CLUH: variants seen among roughly 807,000 people sequenced by gnomAD.
CLUH encodes CLUH binding protein of NUMT mRNA.
CLUH carries 77 observed loss-of-function variants against 139.3 expected under a neutral mutation model. That is an observed-to-expected ratio of 0.55 (90% confidence interval 0.46 to 0.67). The LOEUF (loss-of-function observed/expected upper bound fraction) is 0.67, where lower values mean the gene tolerates loss of function less well. CLUH is among the 30% of genes least tolerant of loss of function. CLUH has a pLI of 0.00. For missense variants in CLUH, 1,876 were observed against 1,875.8 expected (o/e 1.00, Z 0.00); for synonymous variants, 999 against 801.6 (o/e 1.25, Z -4.16).
intron 13 of CLUH, chr17:2,695,957 G>A (rs117104091): frequency 0.022 from 13,254 of 597,782 alleles, 265 homozygotes; most frequent in Non-Finnish European, 0.023. Flanking sequence ...CCAGCTGCCA[G>A]CCCACACGGT....
At position 2,703,592 on chromosome 17, in the gene CLUH, A is replaced by AGGGGATATTGTCCT; in HGVS notation, c.304-104_304-103insAGGACAATATCCCC. 8.6e-7 allele frequency: 1 copy of AGGGGATATTGTCCT among 1,169,294 alleles called. No homozygotes were observed. Among genetic ancestry groups the AGGGGATATTGTCCT allele is most frequent in the Non-Finnish European group, 1.2e-6 (1 of 817,218 alleles). The allele number at this position is 1,169,294 out of a possible 1,614,324, so 72.4% of individuals were successfully genotyped here. On this transcript the variant is annotated intron_variant, in intron 2 of 25. Coordinates refer to ENST00000651024, the MANE Select transcript of CLUH (RefSeq NM_001366661.1). The surrounding 1 kb of genome is among the most constrained non-coding windows in gnomAD (Gnocchi z 4.2). ...GGCCACGTAGCGGACAGCAAGGACA[A>AGGGGATATTGTCCT]TATCCCCTTGTCCCCAGCCCAAAGT...
chr17:2,691,930 T>TGCCCCCGCCCC (rs2069663315), intron 23 of CLUH, 35 bp from the exon 24 acceptor site: 3 of 1,106,248 alleles, frequency 2.7e-6, no homozygotes, highest in Non-Finnish European at 3.4e-6. Flanking sequence ...GGCCCCCCCG[T>TGCCCCCGCCCC]GCCCCCGCGG....
chr17:2,708,703 C>T (rs1458127435), intron 1 of CLUH, among the ~76,000 whole-genome samples: 1 of 152,112 alleles, frequency 6.6e-6, no homozygotes, highest in African/African-American at 2.4e-5. Context: ...GGCTACCCAC[C>T]CGCTCCCACC....
Position 2,698,354 on chromosome 17 carries a change from G to A in CLUH, c.1503C>T (p.Asp501=), listed in dbSNP as rs776181055. 20 of 1,613,022 alleles carry A rather than the reference G, an allele frequency of 1.2e-5. 1 individual carries two copies. The South Asian group carries it at 2.0e-4, about 16-fold the overall frequency. ...LNGVRTYNAV[D]VEGLYTLGTV... is the part of the protein sequence containing the mutation. The stretch of plus-strand genomic sequence containing the variant: ...TGCCCAGCGTGTACAGCCCCTCCAC[G>A]TCCACCGCGTTGTACGTGCGGACGC... The change falls in exon 10 of 26, where the codon GAC becomes GAT. Residue 501 remains aspartate (D), a synonymous_variant. Transcript: ENST00000651024.
chr17:2,710,690 G>A (rs2070488395), intron 1 of CLUH, among the ~76,000 whole-genome samples: 1 of 152,140 alleles, frequency 6.6e-6, no homozygotes, highest in African/African-American at 2.4e-5. Flanking sequence ...AGGGGCTCAG[G>A]AGAAAGGGAA....
intron 13 of CLUH, chr17:2,695,905 C>A (rs1376937450): frequency 3.4e-6 from 2 of 585,520 alleles, no homozygotes; most frequent in Admixed American, 6.3e-5. Context: ...CTGGCCCCGT[C>A]CCCCAGCCAT....
chr17:2,701,963 G>A lies in CLUH; in HGVS notation c.570C>T (p.Asp190=). Residue 190 remains aspartate (D), a synonymous_variant, in exon 4 of 26, where the codon GAC becomes GAT. Transcript: ENST00000651024. Reference sequence around the variant, plus strand: ...CACTCAGGAAGGACAAGGAGTTGCAGTCAACCCCGTTGAAGGCATCGGATG... The same window carrying A: ...CACTCAGGAAGGACAAGGAGTTGCAATCAACCCCGTTGAAGGCATCGGATG... ...LDPSDAFNGV[D]CNSLSFLSVF... 4.3e-6 allele frequency: 7 copies of A among 1,614,014 alleles called. No homozygotes were observed. Among genetic ancestry groups the A allele is most frequent in the Non-Finnish European group, 5.9e-6 (7 of 1,179,902 alleles).
chr17:2,701,853 G>GC (rs2070194228), intron 4 of CLUH, 61 bp downstream of exon 4: 4 of 1,603,824 alleles, frequency 2.5e-6, no homozygotes, highest in Admixed American at 1.7e-5. Flanking sequence ...CCCTTCTCCA[G>GC]CCCCCCACCT....
At position 2,690,570 on chromosome 17, in the gene CLUH, C is replaced by T; in HGVS notation, c.*24G>A. 1 of 1,428,826 alleles carries T rather than the reference C, an allele frequency of 7.0e-7. No homozygotes were observed. Among genetic ancestry groups the T allele is most frequent in the South Asian group, 1.6e-5 (1 of 64,466 alleles). 88.5% of individuals were successfully genotyped at this position (1,428,826 alleles called of 1,614,324 possible). Reference sequence around the variant, plus strand: ...GGCTCCCTGGTGACGGGGCCGCTGGCTGGCTGTCCGTCTGGCTCCCTCTCT... The same window carrying T: ...GGCTCCCTGGTGACGGGGCCGCTGGTTGGCTGTCCGTCTGGCTCCCTCTCT... On this transcript the variant is annotated 3_prime_UTR_variant, in exon 26 of 26. Transcript: ENST00000651024.
intron 13 of CLUH, 90 bp downstream of exon 13, chr17:2,696,069 G>T: frequency 9.5e-7 from 1 of 1,054,460 alleles, no homozygotes; most frequent in Non-Finnish European, 1.4e-6. Context: ...ACTCCTGCGA[G>T]CCTGTGTTCA....
intron 19 of CLUH, among the ~76,000 whole-genome samples, 164 bp downstream of exon 19, chr17:2,693,736 C>T (rs1287512515): frequency 2.6e-5 from 4 of 152,158 alleles, no homozygotes; most frequent in Non-Finnish European, 4.4e-5. Context: ...TGAGCTCTCC[C>T]GCTCGGGACA....
chr17:2,708,205 C>T (rs1024574820), intron 1 of CLUH, among the ~76,000 whole-genome samples: 7 of 152,214 alleles, frequency 4.6e-5, no homozygotes, highest in Non-Finnish European at 8.8e-5. Context: ...CCATCCCCTC[C>T]CCTCCAGGAC....
chr17:2,693,838 C>A, intron 19 of CLUH, 62 bp downstream of exon 19: 1 of 1,537,480 alleles, frequency 6.5e-7, no homozygotes, highest in Non-Finnish European at 8.8e-7. Context: ...CCGTCAGGGG[C>A]CCCCTCACTC....
chr17:2,700,411 G>A lies in CLUH; in HGVS notation c.1237C>T (p.Arg413Trp). ...RELPRKNLPE[R>W]LLRERAIFKV... Reference sequence around the variant, plus strand: ...AATATGGCCCTTTCTCGGAGCAGCCGCTCAGGCAGGTTCTTGCGAGGCAGC... The same window carrying A: ...AATATGGCCCTTTCTCGGAGCAGCCACTCAGGCAGGTTCTTGCGAGGCAGC... The change falls in exon 9 of 26, where the codon CGG (arginine) becomes TGG (tryptophan). Residue 413 changes from arginine to tryptophan, a missense_variant. Physicochemically the swap from Arg to Trp is moderately radical, Grantham distance 101. Coordinates refer to ENST00000651024, the MANE Select transcript of CLUH (RefSeq NM_001366661.1). The A allele has an allele frequency of 2.5e-6, 4 of 1,613,354 alleles. No homozygotes were observed. Among genetic ancestry groups the A allele is most frequent in the Non-Finnish European group, 3.4e-6 (4 of 1,179,790 alleles).
chr17:2,696,576 T>C, intron 11 of CLUH, 38 bp from the exon 12 acceptor site: 1 of 1,537,798 alleles, frequency 6.5e-7, no homozygotes, highest in Non-Finnish European at 8.8e-7. Flanking sequence ...GGGTCCCCTC[T>C]GCCACCGGTG....
In CLUH at chr17:2,698,206, A is replaced by G; in HGVS notation, c.1651T>C (p.Ser551Pro). ...AGCAGCTCCAGGTACCGCGGGTGTG[A>G]CACCACGGTCTTGCCGAAGTCGATG... ...GSIDFGKTVVSHPRYLELLER... is the reference protein window; with the variant it reads ...GSIDFGKTVVPHPRYLELLER... The change falls in exon 10 of 26, where the codon TCA becomes CCA. Residue 551 changes from serine (S) to proline (P), a missense_variant. By Grantham distance (74) the Ser-to-Pro change is moderately conservative. This residue lies in a region of CLUH where 1,454 missense variants were observed against 1,384.4 expected (regional missense o/e 1.05). Coordinates refer to ENST00000651024, the MANE Select transcript of CLUH (RefSeq NM_001366661.1). 1 of 1,580,138 alleles carries G rather than the reference A, an allele frequency of 6.3e-7. No homozygotes were observed. Among genetic ancestry groups the G allele is most frequent in the African/African-American group, 1.3e-5 (1 of 74,174 alleles).
chr17:2,709,469 T>C (rs2070447524), intron 1 of CLUH, among the ~76,000 whole-genome samples: 1 of 151,976 alleles, frequency 6.6e-6, no homozygotes, highest in South Asian at 2.1e-4. Flanking sequence ...CAAGATCCTG[T>C]TGCGGAGCTC....
chr17:2,702,209 C>T (rs1364539680), intron 3 of CLUH, among the ~76,000 whole-genome samples, 152 bp from the exon 4 acceptor site: 1 of 152,178 alleles, frequency 6.6e-6, no homozygotes, highest in South Asian at 2.1e-4. Flanking sequence ...AACACATAAG[C>T]TGGAGTTCTG....
In CLUH at chr17:2,698,489, C is replaced by A; in HGVS notation, c.1368G>T (p.Met456Ile). 6.2e-7 allele frequency: 1 copy of A among 1,613,184 alleles called. No homozygotes were observed. The highest frequency in any genetic ancestry group is 8.5e-7 in the Non-Finnish European group (1 of 1,179,790). Residue 456 changes from methionine to isoleucine, a missense_variant, in exon 10 of 26, where the codon ATG becomes ATT. Transcript: ENST00000651024. ...INPSEETKMQMFIWNNIFFSL... is the reference protein window; with the variant it reads ...INPSEETKMQIFIWNNIFFSL... ...TGAAGAAGATGTTGTTCCAGATGAA[C>A]ATCTGCATCTTGGTCTCCTCGCTGG...
Sources: allele counts gnomAD v4.1 joint callset (sites outside exome capture counted in the v4.1 genomes callset), GRCh38; gene constraint gnomAD v4.1.1; regional missense constraint gnomAD v4.1.1; non-coding constraint Gnocchi (gnomAD v3.1); transcripts MANE v1.5; gene names NCBI Gene and HGNC (gene_info 2026-07-23, HGNC 2026-07-21).